The following RPH3A variants were observed in gnomAD, a reference collection of about 807,000 sequenced individuals.
RPH3A encodes the protein rabphilin-3A.
In RPH3A, 48 loss-of-function variants were observed where a neutral mutation model predicts 102.2. The observed-to-expected ratio is 0.47, with a 90% confidence interval of 0.37 to 0.60. RPH3A has a LOEUF of 0.60. RPH3A is among the 20% of genes least tolerant of loss of function. The pLI is 0.00. For missense variants in RPH3A, 781 were observed against 910.1 expected, an observed-to-expected ratio of 0.86 and a Z score of 1.83; for synonymous variants, 310 against 324.3, an observed-to-expected ratio of 0.96 and a Z score of 0.47.
At chr12:112,641,387 A>T (rs962082302) in intron 1 of RPH3A, among the ~76,000 whole-genome samples, 2 of 152,160 alleles carry the variant, frequency 1.3e-5, no homozygotes, top group African/African-American at 4.8e-5. Flanking sequence ...CTAAAATTGC[A>T]TTTATTTATT....
chr12:112,649,008 G>A (rs1252954104), intron 1 of RPH3A, among the ~76,000 whole-genome samples: 1 of 152,114 alleles, frequency 6.6e-6, no homozygotes, highest in Non-Finnish European at 1.5e-5. Flanking sequence ...TAGTAGAGAT[G>A]GGGTTTCATT....
chr12:112,670,373 G>A (rs950497231), intron 1 of RPH3A, among the ~76,000 whole-genome samples: 4 of 152,162 alleles, frequency 2.6e-5, no homozygotes, highest in African/African-American at 9.6e-5. Context: ...ATTAGAGATG[G>A]GATTTCAACA....
chr12:112,875,679 G>A lies in RPH3A; in HGVS notation c.884G>A (p.Gly295Glu). The change falls in exon 12 of 22, where the codon GGG becomes GAG. Residue 295 changes from glycine to glutamate, a missense_variant and splice_region_variant. By Grantham distance (98) the Gly-to-Glu change is moderately conservative. Around this residue, in one of 2 missense-constraint regions of RPH3A, gnomAD observed 730 missense variants for 810.0 expected, o/e 0.90. Coordinates refer to ENST00000389385, the MANE Select transcript of RPH3A (RefSeq NM_001143854.2). The part of the protein sequence containing the change: ...SPAPPQPGQP[G>E]TPGGSRPGPG... ...CTGTTTGTCTCCTCTCCCTGCTCAG[G>A]GACCCCAGGAGGAAGCAGACCGGGT... 6.2e-7 allele frequency: 1 copy of A among 1,613,410 alleles called. No homozygotes were observed. The highest frequency in any genetic ancestry group is 8.5e-7 in the Non-Finnish European group (1 of 1,179,668).
At chr12:112,865,208 G>A (rs1482030260) in intron 5 of RPH3A, among the ~76,000 whole-genome samples, 2 of 152,184 alleles carry the variant, frequency 1.3e-5, no homozygotes, top group African/African-American at 4.8e-5. Flanking sequence ...GACTTTGAGG[G>A]GTGTGGGAGG....
chr12:112,633,982 CAA>C (rs2039826602), intron 1 of RPH3A, among the ~76,000 whole-genome samples: 2 of 152,184 alleles, frequency 1.3e-5, no homozygotes, highest in African/African-American at 4.8e-5. Context: ...AGATGGGAAG[CAA>C]ACACTATTCT....
Position 112,664,170 on chromosome 12 carries a change from C to T in RPH3A, c.-140+88851C>T, listed in dbSNP as rs1030729128. The stretch of plus-strand genomic sequence containing the variant: ...GCAAAACCTTAGAGAGGGGTACAAG[C>T]GAAATGCTGGGAGTTCATATGGCTT... On this transcript the variant is annotated intron_variant, in intron 1 of 21. Transcript: ENST00000543106. 7.2e-5 allele frequency among the ~76,000 whole-genome samples: 11 copies of T among 151,956 alleles called. No individual in the cohort carries two copies. In the East Asian group the frequency reaches 7.7e-4, roughly 11 times the overall value.
At chr12:112,804,369 G>A (rs1278465930) in intron 2 of RPH3A, among the ~76,000 whole-genome samples, 2 of 152,222 alleles carry the variant, frequency 1.3e-5, no homozygotes, top group East Asian at 1.9e-4. Context: ...CCAGGTGGAT[G>A]CAAGTGGTCA....
Position 112,591,278 on chromosome 12 carries a change from A to G in RPH3A, c.-140+15959A>G, listed in dbSNP as rs891344272. On this transcript the variant is annotated intron_variant, in intron 1 of 21. Transcript: ENST00000543106. ...TTAAAAAAAATTTTTAGGAGATAGG[A>G]TTTTACTATGTTACCCAGGCTGGTC... 2.7e-5 allele frequency among the ~76,000 whole-genome samples: 4 copies of G among 148,950 alleles called. 1 individual carries two copies.
intron 1 of RPH3A, among the ~76,000 whole-genome samples, chr12:112,614,544 C>T (rs189110023): frequency 4.0e-5 from 6 of 148,620 alleles, no homozygotes; most frequent in Non-Finnish European, 8.9e-5. Flanking sequence ...AAGCAAAATA[C>T]GGGCATGGTG....
At position 112,897,145 on chromosome 12, in the gene RPH3A, TACACACACAC is replaced by T. The variant is rs10563429; in HGVS notation, c.*386_*395del. On this transcript the variant is annotated 3_prime_UTR_variant, in exon 22 of 22. Coordinates refer to ENST00000389385, the MANE Select transcript of RPH3A (RefSeq NM_001143854.2). ...CCTCCTAGCCTTGAACACACACATG[TACACACACAC>T]ACACACACACACACACACACCCTTT... The T allele has an allele frequency of 1.6e-5, 3 of 183,686 alleles. No homozygotes were observed. Among genetic ancestry groups the T allele is most frequent in the East Asian group, 1.3e-4 (1 of 7,462 alleles). 11.4% of individuals were successfully genotyped at this position (183,686 alleles called of 1,614,324 possible). A position where few individuals can be genotyped will look rare whatever the true frequency, so the allele number is the denominator to read the frequency against.
intron 1 of RPH3A, among the ~76,000 whole-genome samples, chr12:112,730,002 T>TACAC (rs552240667): frequency 3.3e-5 from 5 of 150,158 alleles, no homozygotes; most frequent in African/African-American, 7.3e-5. Context: ...ACTGGACACG[T>TACAC]ACACACACAC....
chr12:112,789,854 C>G (rs1413688465), upstream of RPH3A, among the ~76,000 whole-genome samples: 1 of 146,912 alleles, frequency 6.8e-6, no homozygotes, highest in African/African-American at 2.6e-5. Context: ...GAGTTCAAGA[C>G]CAGCTGGGGC....
chr12:112,737,446 C>T (rs2040677323), intron 1 of RPH3A, among the ~76,000 whole-genome samples: 1 of 152,070 alleles, frequency 6.6e-6, no homozygotes, highest in Non-Finnish European at 1.5e-5. Context: ...CTATCACCAT[C>T]ATTATTATTA....
intron 2 of RPH3A, among the ~76,000 whole-genome samples, chr12:112,806,387 C>T (rs549073221): frequency 2.0e-5 from 3 of 152,288 alleles, no homozygotes; most frequent in South Asian, 4.1e-4. Context: ...GTAATCCCAG[C>T]ACTTTGGGAG....
At chr12:112,713,004 C>CTT (rs1282525085) in intron 1 of RPH3A, among the ~76,000 whole-genome samples, 9 of 72,258 alleles carry the variant, frequency 1.2e-4, no homozygotes, top group South Asian at 6.6e-4. Context: ...TCTTCCTCTT[C>CTT]CTCTTCCTCT....
intron 1 of RPH3A, among the ~76,000 whole-genome samples, chr12:112,786,155 G>T (rs1020128250): frequency 1.3e-5 from 2 of 152,182 alleles, no homozygotes; most frequent in Non-Finnish European, 2.9e-5. Context: ...GCAAGTCCAA[G>T]TTCCCTTCCC....
At chr12:112,675,018 G>A (rs552401311) in intron 1 of RPH3A, among the ~76,000 whole-genome samples, 89 of 152,170 alleles carry the variant, frequency 5.8e-4, no homozygotes, top group Non-Finnish European at 1.1e-3. Context: ...TAAAACAGTA[G>A]CAATCTCTCC....
At chr12:112,877,201 T>C (rs1228449750) in intron 13 of RPH3A, among the ~76,000 whole-genome samples, 7 of 152,280 alleles carry the variant, frequency 4.6e-5, no homozygotes, top group South Asian at 2.1e-4. Context: ...AGGTTAAACA[T>C]AGAATTATTA....
At chr12:112,896,096 A>G (rs1205195527) in intron 21 of RPH3A, among the ~76,000 whole-genome samples, 1 of 152,256 alleles carries the variant, frequency 6.6e-6, no homozygotes, top group African/African-American at 2.4e-5. Flanking sequence ...AATCACCTCC[A>G]GTGGGGTAAT....
Sources: allele counts gnomAD v4.1 joint callset (sites outside exome capture counted in the v4.1 genomes callset), GRCh38; gene constraint gnomAD v4.1.1; regional missense constraint gnomAD v4.1.1; transcripts MANE v1.5; gene names NCBI Gene and HGNC (gene_info 2026-07-23, HGNC 2026-07-21).